The following HDAC4 variants were observed in gnomAD, a reference collection of about 807,000 sequenced individuals.
The protein encoded by HDAC4 is histone deacetylase 4.
In HDAC4, 16 loss-of-function variants were observed where a neutral mutation model predicts 135.1. That is an observed-to-expected ratio of 0.12 (90% CI 0.08 to 0.18). HDAC4 has a LOEUF of 0.18. Ranked by LOEUF, HDAC4 falls within the 10% of genes least tolerant of loss-of-function variation. The pLI is 1.00. For synonymous variants in HDAC4, 685 were observed against 653.4 expected, an observed-to-expected ratio of 1.05 and a Z score of -0.74; for missense variants, 1,143 against 1,511.8, an observed-to-expected ratio of 0.76 and a Z score of 4.05.
At chr2:239,335,530 A>AAAAAC in intron 2 of HDAC4, among the ~76,000 whole-genome samples, 1 of 135,842 alleles carries the variant, frequency 7.4e-6, no homozygotes. Context: ...AAAAAAAAAA[A>AAAAAC]CACCATTAAG....
chr2:239,239,899 C>A (rs10171344), intron 2 of HDAC4, among the ~76,000 whole-genome samples: 1 of 152,246 alleles, frequency 6.6e-6, no homozygotes, highest in Admixed American at 6.5e-5. Flanking sequence ...TTGGAGGCGG[C>A]GGCACAGACA....
chr2:239,087,478 C>T (rs1353571567), intron 19 of HDAC4, 81 bp downstream of exon 19: 10 of 1,378,150 alleles, frequency 7.3e-6, no homozygotes, highest in Non-Finnish European at 9.1e-6. Context: ...TCCCCGCAGT[C>T]ACTCACACAC....
At chr2:239,087,415 G>A in intron 19 of HDAC4, 144 bp downstream of exon 19, 3 of 756,740 alleles carry the variant, frequency 4.0e-6, no homozygotes, top group Non-Finnish European at 6.7e-6. Flanking sequence ...CCAGGAGCTG[G>A]AGCCAAGCCG....
intron 2 of HDAC4, among the ~76,000 whole-genome samples, chr2:239,301,467 C>CTTTTTTTTT (rs368766670): frequency 7.7e-6 from 1 of 130,260 alleles, no homozygotes; most frequent in African/African-American, 2.7e-5. Context: ...CTGGTGCTTT[C>CTTTTTTTTT]TTTCTTTTTT....
intron 4 of HDAC4, among the ~76,000 whole-genome samples, chr2:239,181,602 TC>T (rs1268811719): frequency 6.6e-6 from 1 of 152,242 alleles, no homozygotes; most frequent in Non-Finnish European, 1.5e-5. Flanking sequence ...GCCGTGTCCT[TC>T]ATCAGGGCAG....
At chr2:239,110,037 C>T (rs139622685) in intron 14 of HDAC4, among the ~76,000 whole-genome samples, 153 of 152,270 alleles carry the variant, frequency 1.0e-3, no homozygotes, top group African/African-American at 3.4e-3. Context: ...TCGCTGTGCA[C>T]GGACACGGGA....
At chr2:239,062,341 G>A (rs964071540) in intron 24 of HDAC4, among the ~76,000 whole-genome samples, 1 of 152,216 alleles carries the variant, frequency 6.6e-6, no homozygotes, top group African/African-American at 2.4e-5. Flanking sequence ...TGCCGTCACA[G>A]CTGGCGGCCC....
chr2:239,167,993 C>T lies in HDAC4; in HGVS notation c.491-4070G>A, dbSNP rs914638961. On this transcript the variant is annotated intron_variant, in intron 5 of 26. Transcript: ENST00000543185. The surrounding 1 kb of genome is among the most constrained non-coding windows in gnomAD (Gnocchi z 4.1). ...GCAGGTGGGGAGGGACGGCTGTGTT[C>T]GGGGAGGGACGGCTGTGCTCCCGGA... Among the ~76,000 whole-genome samples the T allele has an allele frequency of 5.3e-5, 8 of 151,576 alleles. No individual in the cohort carries two copies. The highest frequency in any genetic ancestry group is 7.4e-5 in the Non-Finnish European group (5 of 67,912).
intron 2 of HDAC4, among the ~76,000 whole-genome samples, chr2:239,300,183 T>C (rs2125606819): frequency 6.6e-6 from 1 of 152,170 alleles, no homozygotes; most frequent in East Asian, 1.9e-4. Flanking sequence ...CCTACTCCCA[T>C]TCCAGTACAA....
chr2:239,386,998 G>A (rs1482544168), intron 1 of HDAC4, among the ~76,000 whole-genome samples: 4 of 152,236 alleles, frequency 2.6e-5, no homozygotes, highest in African/African-American at 4.8e-5. Flanking sequence ...GACTGCACAC[G>A]ACTCCAGTGC....
intron 2 of HDAC4, among the ~76,000 whole-genome samples, chr2:239,254,178 G>GA (rs1368302925): frequency 6.6e-6 from 1 of 152,012 alleles, no homozygotes; most frequent in Non-Finnish European, 1.5e-5. Context: ...GGAAGACAAA[G>GA]AAAAATAGCT....
chr2:239,269,505 T>C (rs2049942573), intron 2 of HDAC4, among the ~76,000 whole-genome samples: 1 of 152,238 alleles, frequency 6.6e-6, no homozygotes, highest in African/African-American at 2.4e-5. Flanking sequence ...CATTCCAGTC[T>C]GCAGGAATTC....
chr2:239,119,542 C>T (rs2039446405), intron 12 of HDAC4, among the ~76,000 whole-genome samples: 1 of 142,490 alleles, frequency 7.0e-6, no homozygotes, highest in Non-Finnish European at 1.5e-5. Flanking sequence ...GGTGTGGGGA[C>T]CAGAGCTAAG....
intron 2 of HDAC4, among the ~76,000 whole-genome samples, chr2:239,345,255 T>C (rs1280127374): frequency 6.6e-6 from 1 of 152,104 alleles, no homozygotes; most frequent in African/African-American, 2.4e-5. Flanking sequence ...CCTTAAAACT[T>C]TGTAGTACTC....
chr2:239,067,575 C>A (rs909629843), intron 23 of HDAC4, among the ~76,000 whole-genome samples: 4 of 152,218 alleles, frequency 2.6e-5, no homozygotes, highest in Non-Finnish European at 4.4e-5. Context: ...GTGGTGGCCG[C>A]GGTGCTCCGG....
chr2:239,247,523 C>A (rs914702485), intron 2 of HDAC4, among the ~76,000 whole-genome samples: 1 of 152,204 alleles, frequency 6.6e-6, no homozygotes, highest in Non-Finnish European at 1.5e-5. Flanking sequence ...AGCCGGGGCC[C>A]GTGCCCTCCA....
chr2:239,249,335 G>A (rs975256677), intron 2 of HDAC4, among the ~76,000 whole-genome samples: 11 of 152,174 alleles, frequency 7.2e-5, no homozygotes, highest in Non-Finnish European at 1.0e-4. Context: ...TGCGGAAGGC[G>A]GGGGAGGCGG....
chr2:239,205,714 AGGAG>A (rs1395925542), intron 3 of HDAC4, among the ~76,000 whole-genome samples: 1 of 151,950 alleles, frequency 6.6e-6, no homozygotes, highest in Non-Finnish European at 1.5e-5. Flanking sequence ...GGGGAGGACG[AGGAG>A]GGAGGGAGAA....
intron 2 of HDAC4, among the ~76,000 whole-genome samples, chr2:239,277,792 C>A (rs548065814): frequency 6.6e-6 from 1 of 152,360 alleles, no homozygotes; most frequent in Admixed American, 6.5e-5. Context: ...AGCAACTCCA[C>A]CCGGGCCGGG....
Sources: gnomAD v4.1 joint callset for allele counts (sites outside exome capture counted in the v4.1 genomes callset) on GRCh38, gnomAD v4.1.1 for gene constraint, Gnocchi (gnomAD v3.1) non-coding constraint, MANE v1.5 for transcripts, NCBI Gene and HGNC (gene_info 2026-07-23, HGNC 2026-07-21) for gene names.